The following TMEM232 variants were observed in gnomAD, a reference collection of about 807,000 sequenced individuals.
The protein encoded by TMEM232 is transmembrane protein 232.
TMEM232 carries 80 observed loss-of-function variants against 78.8 expected under a neutral mutation model. That is an observed-to-expected ratio of 1.01 (90% confidence interval 0.85 to 1.22). TMEM232 has a LOEUF of 1.22. TMEM232 is among the 50% of genes most tolerant of loss of function. TMEM232 has a pLI of 0.00. For missense variants in TMEM232, 881 were observed against 742.2 expected (o/e 1.19, Z -2.17); for synonymous variants, 297 against 254.3 (o/e 1.17, Z -1.60).
At chr5:110,480,040 A>T (rs1471490619) in intron 12 of TMEM232, among the ~76,000 whole-genome samples, 1 of 151,774 alleles carries the variant, frequency 6.6e-6, no homozygotes, top group African/African-American at 2.4e-5. Flanking sequence ...TATAACTTTC[A>T]GCATTTGTCT....
At chr5:110,470,682 C>T (rs1762570974) in intron 12 of TMEM232, among the ~76,000 whole-genome samples, 1 of 152,144 alleles carries the variant, frequency 6.6e-6, no homozygotes, top group South Asian at 2.1e-4. Flanking sequence ...CAACTTAGAA[C>T]CAGAGTCAGC....
chr5:110,446,309 A>C (rs1468946650), intron 12 of TMEM232, among the ~76,000 whole-genome samples: 1 of 152,168 alleles, frequency 6.6e-6, no homozygotes, highest in African/African-American at 2.4e-5. Flanking sequence ...CTGTCTTTGA[A>C]GGTTTTTAAG....
At chr5:110,725,222 G>A (rs1798036810) in intron 1 of TMEM232, among the ~76,000 whole-genome samples, 1 of 152,160 alleles carries the variant, frequency 6.6e-6, no homozygotes, top group South Asian at 2.1e-4. Flanking sequence ...CACTGGATTA[G>A]ACAAAAATAA....
At chr5:110,678,450 G>C (rs1792311699) in intron 1 of TMEM232, among the ~76,000 whole-genome samples, 1 of 152,026 alleles carries the variant, frequency 6.6e-6, no homozygotes, top group Admixed American at 6.6e-5. Flanking sequence ...TCCCATACTT[G>C]CTCAGCCTGT....
intron 3 of TMEM232, among the ~76,000 whole-genome samples, chr5:110,394,981 T>C (rs180862965): frequency 1.3e-5 from 2 of 152,226 alleles, no homozygotes; most frequent in Non-Finnish European, 2.9e-5. Context: ...TTCTCTGTTG[T>C]TTTGCTTAAG....
At chr5:110,625,591 G>T in intron 6 of TMEM232, 158 bp from the exon 7 acceptor site, 1 of 538,908 alleles carries the variant, frequency 1.9e-6, no homozygotes. Context: ...ATGCCCCCTG[G>T]TGGTATAATA....
chr5:110,503,189 GTTTTCTTCT>G (rs962662439), intron 12 of TMEM232, among the ~76,000 whole-genome samples: 30 of 152,212 alleles, frequency 2.0e-4, no homozygotes, highest in Non-Finnish European at 3.4e-4. Context: ...ATGTCAATTT[GTTTTCTTCT>G]TTTTCAAATC....
chr5:110,615,583 T>C (rs1465506069), intron 8 of TMEM232, among the ~76,000 whole-genome samples: 2 of 151,864 alleles, frequency 1.3e-5, no homozygotes, highest in Non-Finnish European at 2.9e-5. Flanking sequence ...AAGACAAGAA[T>C]GTTCACTCTC....
At chr5:110,503,565 T>C (rs1399128205) in intron 12 of TMEM232, among the ~76,000 whole-genome samples, 1 of 152,166 alleles carries the variant, frequency 6.6e-6, no homozygotes, top group African/African-American at 2.4e-5. Flanking sequence ...ATGTTTATCA[T>C]TATGAACCTC....
At chr5:110,513,855 C>T (rs568151991) in intron 12 of TMEM232, 34 of 169,388 alleles carry the variant, frequency 2.0e-4, no homozygotes, top group African/African-American at 8.2e-4. Context: ...AAAGTAATTA[C>T]AGTTTTTGCA....
intron 12 of TMEM232, among the ~76,000 whole-genome samples, chr5:110,515,850 ATCT>A (rs986767334): frequency 6.6e-6 from 1 of 152,154 alleles, no homozygotes; most frequent in African/African-American, 2.4e-5. Context: ...GCTGTGTAAA[ATCT>A]TCTGCCTAAA....
At chr5:110,604,286 T>C (rs776825208) in intron 10 of TMEM232, among the ~76,000 whole-genome samples, 2 of 152,130 alleles carry the variant, frequency 1.3e-5, no homozygotes, top group Non-Finnish European at 2.9e-5. Context: ...CATAGTACTC[T>C]TGGAAAAATC....
chr5:110,700,907 T>C (rs996740713), intron 1 of TMEM232, among the ~76,000 whole-genome samples: 18 of 151,924 alleles, frequency 1.2e-4, no homozygotes, highest in African/African-American at 3.6e-4. Context: ...CTAAAGAGCC[T>C]TCTTCCTCAG....
At chr5:110,448,851 T>A (rs1759958175) in intron 12 of TMEM232, among the ~76,000 whole-genome samples, 2 of 151,842 alleles carry the variant, frequency 1.3e-5, no homozygotes, top group South Asian at 4.2e-4. Flanking sequence ...ATCACTGGGG[T>A]ACATCAAAAT....
intron 2 of TMEM232, 80 bp downstream of exon 2, chr5:110,667,148 G>A (rs1342610206): frequency 4.2e-6 from 5 of 1,178,162 alleles, no homozygotes; most frequent in Non-Finnish European, 5.8e-6. Context: ...AGAACTATGG[G>A]TGAATTTTTT....
At chr5:110,664,760 T>G (rs1489473731) in intron 2 of TMEM232, among the ~76,000 whole-genome samples, 1 of 152,170 alleles carries the variant, frequency 6.6e-6, no homozygotes, top group Non-Finnish European at 1.5e-5. Flanking sequence ...AGAGACTAAG[T>G]GCTGGTAGCT....
At chr5:110,548,096 T>G (rs1481859611) in intron 11 of TMEM232, among the ~76,000 whole-genome samples, 2 of 150,726 alleles carry the variant, frequency 1.3e-5, no homozygotes, top group African/African-American at 4.9e-5. Context: ...AGTGTTTTCC[T>G]CGAGCAGAAG....
chr5:110,641,900 A>T (rs1488664440), intron 3 of TMEM232, among the ~76,000 whole-genome samples: 1 of 152,204 alleles, frequency 6.6e-6, no homozygotes. Flanking sequence ...ACAGAGAAAG[A>T]ACAGAGTACT....
intron 1 of TMEM232, among the ~76,000 whole-genome samples, chr5:110,693,810 G>C (rs1248044562): frequency 2.0e-5 from 3 of 152,150 alleles, no homozygotes; most frequent in African/African-American, 7.2e-5. Context: ...TATGTGAAAA[G>C]ACCAAATCTA....
Sources: allele counts gnomAD v4.1 joint callset (sites outside exome capture counted in the v4.1 genomes callset), GRCh38; gene constraint gnomAD v4.1.1; transcripts MANE v1.5; gene names NCBI Gene and HGNC (gene_info 2026-07-23, HGNC 2026-07-21).